BTBD2: variants seen among roughly 807,000 people sequenced by gnomAD.
BTBD2 encodes the protein BTB/POZ domain-containing protein 2.
A neutral mutation model predicts 44.0 loss-of-function variants in BTBD2; 15 were observed. The ratio of observed to expected loss-of-function variants is 0.34; its 90% CI spans 0.23 to 0.53. The LOEUF (loss-of-function observed/expected upper bound fraction) is 0.53, where lower values mean the gene tolerates loss of function less well. Among genes scored for constraint, BTBD2 ranks in the 20% least tolerant of loss-of-function variants. BTBD2 has a pLI of 0.95. For synonymous variants in BTBD2, 443 were observed against 335.9 expected (o/e 1.32, Z -3.49); for missense variants, 657 against 746.4 (o/e 0.88, Z 1.39).
chr19:1,990,740 T>A lies in BTBD2; in HGVS notation c.767A>T (p.Glu256Val). 1 of 1,603,140 alleles carries A rather than the reference T, an allele frequency of 6.2e-7. No homozygotes were observed. The highest frequency in any genetic ancestry group is 8.5e-7 in the Non-Finnish European group (1 of 1,175,132). Reference sequence around the variant, plus strand: ...ACCCAGGTCAATGTCGGTGAAGCCCTCCGCGGTGATGGCGTCTGCAGTGTT... The same window carrying A: ...ACCCAGGTCAATGTCGGTGAAGCCCACCGCGGTGATGGCGTCTGCAGTGTT... ...DKNTADAITA[E>V]GFTDIDLDTL... The change falls in exon 4 of 9, where the codon GAG (glutamate) becomes GTG (valine). Residue 256 changes from glutamate (E) to valine (V), a missense_variant. Glu to Val is a moderately radical substitution (Grantham distance 121, BLOSUM62 -2). Coordinates refer to ENST00000255608, the MANE Select transcript of BTBD2 (RefSeq NM_017797.4).
chr19:2,000,457 C>G (rs2016314694), intron 1 of BTBD2, among the ~76,000 whole-genome samples: 1 of 152,236 alleles, frequency 6.6e-6, no homozygotes, highest in South Asian at 2.1e-4. Context: ...TCAAGTGGGC[C>G]CGGCGTGGGC....
chr19:1,996,921 G>A (rs541070954), intron 2 of BTBD2, among the ~76,000 whole-genome samples: 166 of 151,812 alleles, frequency 1.1e-3, no homozygotes, highest in African/African-American at 3.9e-3. Flanking sequence ...GGTGGCTCAG[G>A]CTTGTAATCC....
intron 1 of BTBD2, among the ~76,000 whole-genome samples, chr19:2,001,591 G>A (rs1435610448): frequency 6.6e-6 from 1 of 152,230 alleles, no homozygotes; most frequent in African/African-American, 2.4e-5. Flanking sequence ...CGTCCATGAA[G>A]AGCCTTAAAC....
In BTBD2 at chr19:1,997,433, A is replaced by G; in HGVS notation, c.438T>C (p.Phe146=). The part of the protein sequence containing the change: ...RFVLAVGSAV[F]DAMFNGGMAT... Reference sequence around the variant, plus strand: ...CCATTCCCCCGTTGAACATGGCATCAAAGACGGCGCTGCCCACGGCCAGCA... The same window carrying G: ...CCATTCCCCCGTTGAACATGGCATCGAAGACGGCGCTGCCCACGGCCAGCA... The change falls in exon 2 of 9, where the codon TTT becomes TTC. Residue 146 remains phenylalanine, a synonymous_variant. Transcript: ENST00000255608. 6.2e-7 allele frequency: 1 copy of G among 1,614,158 alleles called. No homozygotes were observed. Among genetic ancestry groups the G allele is most frequent in the Non-Finnish European group, 8.5e-7 (1 of 1,180,008 alleles).
chr19:1,987,589 G>A lies in BTBD2; in HGVS notation c.1092C>T (p.Arg364=). The change falls in exon 6 of 9, where the codon CGC becomes CGT. Residue 364 remains arginine, a synonymous_variant. Coordinates refer to ENST00000255608, the MANE Select transcript of BTBD2 (RefSeq NM_017797.4). ...KPRVEFIDRP[R]CCLRGKECSI... ...TGCACTCCTTCCCACGCAGGCAGCA[G>A]CGGGGCCGGTCAATGAACTCCACTC... The A allele has an allele frequency of 6.2e-7, 1 of 1,612,770 alleles. No individual in the cohort carries two copies. The highest frequency in any genetic ancestry group is 1.1e-5 in the South Asian group (1 of 90,976).
At chr19:2,007,771 C>T (rs371463709) in intron 1 of BTBD2, among the ~76,000 whole-genome samples, 1 of 152,160 alleles carries the variant, frequency 6.6e-6, no homozygotes, top group South Asian at 2.1e-4. Flanking sequence ...AGCTTTGCAG[C>T]GAGCCAAGAT....
intron 1 of BTBD2, among the ~76,000 whole-genome samples, chr19:2,000,583 G>T (rs1365827331): frequency 6.6e-6 from 1 of 152,142 alleles, no homozygotes; most frequent in African/African-American, 2.4e-5. Flanking sequence ...GGAGACACCT[G>T]CATGGGCCTT....
chr19:1,993,739 T>G (rs1340777579), intron 2 of BTBD2, among the ~76,000 whole-genome samples: 1 of 152,090 alleles, frequency 6.6e-6, no homozygotes, highest in East Asian at 1.9e-4. Context: ...TTCACGCCTG[T>G]AACCCCAGCA....
intron 2 of BTBD2, among the ~76,000 whole-genome samples, chr19:1,993,981 G>A (rs1303858456): frequency 9.9e-6 from 1 of 101,000 alleles, no homozygotes; most frequent in Non-Finnish European, 1.8e-5. Context: ...TGGAGACAGA[G>A]CGAGAATCCG....
At chr19:1,999,258 C>T (rs1044453509) in intron 1 of BTBD2, among the ~76,000 whole-genome samples, 1 of 152,218 alleles carries the variant, frequency 6.6e-6, no homozygotes, top group Non-Finnish European at 1.5e-5. Flanking sequence ...GCTTCCACAT[C>T]CGCCCCGAAC....
At chr19:1,997,321 C>A in intron 2 of BTBD2, 23 bp downstream of exon 2, 1 of 1,613,858 alleles carries the variant, frequency 6.2e-7, no homozygotes, top group Non-Finnish European at 8.5e-7. Context: ...AGCTCCCCAG[C>A]AGGAAGCATC....
At position 2,008,867 on chromosome 19, in the gene BTBD2, A is replaced by G. The variant is rs368758444; in HGVS notation, c.407+6430T>C. 5.3e-5 allele frequency among the ~76,000 whole-genome samples: 8 copies of G among 152,092 alleles called. No homozygotes were observed. In the South Asian group the frequency reaches 8.3e-4, roughly 16 times the overall value. On this transcript the variant is annotated intron_variant, in intron 1 of 8. Coordinates refer to ENST00000255608, the MANE Select transcript of BTBD2 (RefSeq NM_017797.4). Reference sequence around the variant, plus strand: ...ATTACAGATGTGAGCCACTGCACTCAGCCTGAAAAGTCTTCACAAAGAATA... The same window carrying G: ...ATTACAGATGTGAGCCACTGCACTCGGCCTGAAAAGTCTTCACAAAGAATA...
At chr19:1,987,755 A>C (rs1324520707) in intron 5 of BTBD2, 63 bp from the exon 6 acceptor site, 1 of 1,451,670 alleles carries the variant, frequency 6.9e-7, no homozygotes, top group African/African-American at 1.4e-5. Context: ...AGTGCCTGGG[A>C]GGACACGCTC....
chr19:2,006,489 A>T (rs1165528297), intron 1 of BTBD2, among the ~76,000 whole-genome samples: 1 of 149,290 alleles, frequency 6.7e-6, no homozygotes, highest in African/African-American at 2.5e-5. Flanking sequence ...CCTGGGCGAC[A>T]GAGCGAGACT....
intron 1 of BTBD2, among the ~76,000 whole-genome samples, chr19:2,010,505 C>G (rs2016450948): frequency 6.6e-6 from 1 of 152,178 alleles, no homozygotes; most frequent in Admixed American, 6.6e-5. Context: ...TCAGCTCACC[C>G]TGCACCCCCG....
In BTBD2 at chr19:2,015,480, T is replaced by G; in HGVS notation, c.224A>C (p.Glu75Ala). 1 of 1,228,890 alleles carries G rather than the reference T, an allele frequency of 8.1e-7. No homozygotes were observed. The highest frequency in any genetic ancestry group is 3.2e-4 in the Middle Eastern group (1 of 3,084). 76.1% of individuals were successfully genotyped at this position (1,228,890 alleles called of 1,614,324 possible). ...PGTDAQAAGA[E>A]RAEEAAGPGA... is the part of the protein sequence containing the mutation. ...CGGGCCCGCCGCCTCCTCCGCCCGC[T>G]CCGCGCCCGCGGCCTGCGCGTCTGT... Residue 75 changes from glutamate (E) to alanine (A), a missense_variant, in exon 1 of 9, where the codon GAG (glutamate) becomes GCG (alanine). Around this residue, in one of 3 missense-constraint regions of BTBD2, gnomAD observed 191 missense variants for 188.5 expected, o/e 1.01. Coordinates refer to ENST00000255608, the MANE Select transcript of BTBD2 (RefSeq NM_017797.4).
chr19:1,986,161 G>T lies in BTBD2; in HGVS notation c.*327C>A. The T allele has an allele frequency of 2.9e-6, 1 of 345,926 alleles. No homozygotes were observed. The highest frequency in any genetic ancestry group is 5.4e-6 in the Non-Finnish European group (1 of 186,362). The allele number at this position is 345,926 out of a possible 1,614,324, so 21.4% of individuals were successfully genotyped here. On this transcript the variant is annotated 3_prime_UTR_variant, in exon 9 of 9. Transcript: ENST00000255608. ...CGAGGGACGCCCGCGGCGCACCGCC[G>T]GCAGACGACGTGGGCAGGCGCCCTG...
Position 2,001,655 on chromosome 19 carries a change from C to T in BTBD2, c.408-4192G>A, listed in dbSNP as rs1197124362. On this transcript the variant is annotated intron_variant, in intron 1 of 8. Transcript: ENST00000255608. ...TTTATCCACGTGCCACGAGGGTGGCCGTCCCGAGCCCACAGGACACAGGTG... is the reference window on the plus strand; with the variant it reads ...TTTATCCACGTGCCACGAGGGTGGCTGTCCCGAGCCCACAGGACACAGGTG... Among the ~76,000 whole-genome samples, 7 of 152,230 alleles carry T rather than the reference C, an allele frequency of 4.6e-5. 1 individual carries two copies. The highest frequency in any genetic ancestry group is 4.6e-4 in the Admixed American group (7 of 15,286).
intron 2 of BTBD2, among the ~76,000 whole-genome samples, chr19:1,996,492 T>C (rs12461771): frequency 0.56 from 78,508 of 139,698 alleles, 24,673 homozygotes; most frequent in African/African-American, 0.86. Context: ...TTTTTGTTGT[T>C]GTTGTTATTT....
Sources: allele counts gnomAD v4.1 joint callset (sites outside exome capture counted in the v4.1 genomes callset), GRCh38; gene constraint gnomAD v4.1.1; regional missense constraint gnomAD v4.1.1; transcripts MANE v1.5; gene names NCBI Gene and HGNC (gene_info 2026-07-23, HGNC 2026-07-21).